The following ADAM2 variants were observed in gnomAD, a reference collection of about 807,000 sequenced individuals.
ADAM2 encodes the protein ADAM metallopeptidase domain 2.
Under a neutral mutation model 99.3 loss-of-function variants are expected in ADAM2, and 101 were observed. That is an observed-to-expected ratio of 1.02 (90% CI 0.87 to 1.20). ADAM2 has a LOEUF of 1.20. Ranked by LOEUF, ADAM2 falls within the 50% of genes most tolerant of loss-of-function variation. The pLI, the probability that ADAM2 is intolerant of heterozygous loss-of-function variation, is 0.00. For synonymous variants in ADAM2, 323 were observed against 287.6 expected (o/e 1.12, Z -1.25); for missense variants, 948 against 878.7 (o/e 1.08, Z -1.00).
chr8:39,806,090 G>T (rs1205857928), intron 7 of ADAM2, among the ~76,000 whole-genome samples: 4 of 152,138 alleles, frequency 2.6e-5, no homozygotes, highest in African/African-American at 4.8e-5. Context: ...TTGCCTGAGT[G>T]AAAACTGCCT....
intron 20 of ADAM2, among the ~76,000 whole-genome samples, chr8:39,744,622 C>A (rs1823372178): frequency 6.6e-6 from 1 of 151,928 alleles, no homozygotes; most frequent in East Asian, 1.9e-4. Context: ...CATCACACAC[C>A]AGAACCTGTC....
rs568189524 is a variant in ADAM2, at chr8:39,758,320, A to G, written c.1614-2409T>C. The stretch of plus-strand genomic sequence containing the variant: ...CAATTATAAAGCAATATATACATAT[A>G]GTTACAAAACTGTATGTGTTTATAA... On this transcript the variant is annotated intron_variant, in intron 15 of 20. Coordinates refer to ENST00000265708, the MANE Select transcript of ADAM2 (RefSeq NM_001464.5). 5.9e-5 allele frequency among the ~76,000 whole-genome samples: 9 copies of G among 152,248 alleles called. No homozygotes were observed. In the South Asian group the frequency reaches 1.7e-3, roughly 28 times the overall value.
chr8:39,816,146 A>C (rs991535062), intron 6 of ADAM2, among the ~76,000 whole-genome samples: 1 of 152,060 alleles, frequency 6.6e-6, no homozygotes, highest in Non-Finnish European at 1.5e-5. Context: ...AAATGCAAAA[A>C]ATTAGCCGAG....
At chr8:39,828,910 T>C (rs1805515717) in intron 3 of ADAM2, among the ~76,000 whole-genome samples, 1 of 151,878 alleles carries the variant, frequency 6.6e-6, no homozygotes, top group Non-Finnish European at 1.5e-5. Flanking sequence ...CTTTAGGCTA[T>C]CAAGATTTAT....
chr8:39,771,806 C>T (rs373173893), intron 11 of ADAM2, among the ~76,000 whole-genome samples: 5 of 151,820 alleles, frequency 3.3e-5, no homozygotes, highest in African/African-American at 9.7e-5. Context: ...ATACAAGGAA[C>T]CATATAGAAA....
In ADAM2 at chr8:39,784,058, G is replaced by A. The variant is rs1803350064; in HGVS notation, c.891+2916C>T. Reference sequence around the variant, plus strand: ...TTCACATATAAACTTTTAGGAAGGAGCAGCATTGGAAGGATACAGACTCTA... The same window carrying A: ...TTCACATATAAACTTTTAGGAAGGAACAGCATTGGAAGGATACAGACTCTA... On this transcript the variant is annotated intron_variant, in intron 10 of 20. Transcript: ENST00000265708. Among the ~76,000 whole-genome samples the A allele has an allele frequency of 2.6e-5, 4 of 152,182 alleles. No individual in the cohort carries two copies. In the South Asian group the frequency reaches 8.3e-4, roughly 32 times the overall value.
intron 10 of ADAM2, among the ~76,000 whole-genome samples, chr8:39,786,613 T>A (rs1459879341): frequency 6.6e-6 from 1 of 152,174 alleles, no homozygotes; most frequent in African/African-American, 2.4e-5. Context: ...TTTATTTTAA[T>A]CTGGTTAATA....
intron 7 of ADAM2, among the ~76,000 whole-genome samples, chr8:39,799,170 C>G (rs1184059996): frequency 6.6e-6 from 1 of 152,200 alleles, no homozygotes; most frequent in East Asian, 1.9e-4. Context: ...CCAACATGGG[C>G]ATTTCGTGCT....
chr8:39,749,589 G>GCA, intron 17 of ADAM2, 78 bp downstream of exon 17: 4 of 1,355,130 alleles, frequency 3.0e-6, no homozygotes, highest in Non-Finnish European at 4.2e-6. Context: ...GTGTGTGCGT[G>GCA]TGTGTGTGTG....
chr8:39,787,177 C>A, intron 9 of ADAM2, 122 bp from the exon 10 acceptor site: 1 of 485,712 alleles, frequency 2.1e-6, no homozygotes, highest in Non-Finnish European at 3.6e-6. Context: ...TGTAACATAG[C>A]ATAAGATGTG....
rs969447143 is a variant in ADAM2 at position 39,758,575 on chromosome 8, T to TA, written c.1613+2600dup. Reference sequence around the variant, plus strand: ...AAAGTCAGTAAAAATAAAAAAAATTTAAAAAAAAAAGAAATAGTAGACATG... The same window carrying TA: ...AAAGTCAGTAAAAATAAAAAAAATTTAAAAAAAAAAAGAAATAGTAGACATG... On this transcript the variant is annotated intron_variant, in intron 15 of 20. Transcript: ENST00000265708. Among the ~76,000 whole-genome samples, 229 of 149,432 alleles carry TA rather than the reference T, an allele frequency of 1.5e-3. 1 individual carries two copies. Among genetic ancestry groups the TA allele is most frequent in the African/African-American group, 4.4e-3 (180 of 40,888 alleles).
intron 18 of ADAM2, among the ~76,000 whole-genome samples, chr8:39,748,413 C>A (rs1490888505): frequency 1.3e-5 from 2 of 152,102 alleles, no homozygotes; most frequent in African/African-American, 2.4e-5. Context: ...ATGGAAATAG[C>A]TTGAAAATAC....
At chr8:39,793,671 C>A (rs1254574403) in intron 7 of ADAM2, among the ~76,000 whole-genome samples, 3 of 152,084 alleles carry the variant, frequency 2.0e-5, no homozygotes, top group Admixed American at 6.6e-5. Context: ...TTTCCAGACT[C>A]CTTGGTATGG....
intron 7 of ADAM2, among the ~76,000 whole-genome samples, chr8:39,801,034 C>G (rs1028681861): frequency 2.6e-5 from 4 of 152,202 alleles, no homozygotes; most frequent in African/African-American, 4.8e-5. Context: ...ATATGATCCT[C>G]TGTGCCAGTT....
intron 18 of ADAM2, among the ~76,000 whole-genome samples, chr8:39,748,017 C>A (rs2129582648): frequency 6.6e-6 from 1 of 152,192 alleles, no homozygotes; most frequent in African/African-American, 2.4e-5. Flanking sequence ...TAAGAAATTA[C>A]CTCAAGGCTT....
rs917025774 is a variant in ADAM2 at position 39,821,755 on chromosome 8, T to C, written c.268-93A>G. The C allele has an allele frequency of 1.3e-5, 11 of 852,284 alleles. No individual in the cohort carries two copies. In the African/African-American group the frequency reaches 1.3e-4, roughly 10 times the overall value. The allele number at this position is 852,284 out of a possible 1,614,324, so 52.8% of individuals were successfully genotyped here. On this transcript the variant is annotated intron_variant, in intron 4 of 20. Transcript: ENST00000265708. ...AAAACATATATGTGTTTTGTTTTTA[T>C]GCATCAAACACTCATGTTTCAAAAA...
intron 11 of ADAM2, 100 bp from the exon 12 acceptor site, chr8:39,769,675 T>C (rs1802703401): frequency 2.8e-6 from 2 of 717,070 alleles, no homozygotes; most frequent in African/African-American, 3.6e-5. Flanking sequence ...CAGACCAAAT[T>C]CCCAAGTCTG....
chr8:39,812,828 C>G (rs1804761776), intron 6 of ADAM2, among the ~76,000 whole-genome samples: 2 of 151,492 alleles, frequency 1.3e-5, no homozygotes, highest in Non-Finnish European at 2.9e-5. Context: ...AGAAGAAAAC[C>G]TAGGCAATAC....
intron 10 of ADAM2, among the ~76,000 whole-genome samples, chr8:39,778,102 G>T (rs1244072022): frequency 6.7e-6 from 1 of 149,514 alleles, no homozygotes; most frequent in Non-Finnish European, 1.5e-5. Flanking sequence ...CTTTTTGTAA[G>T]AGTAAGATGC....
Sources: allele counts gnomAD v4.1 joint callset (sites outside exome capture counted in the v4.1 genomes callset), GRCh38; gene constraint gnomAD v4.1.1; transcripts MANE v1.5; gene names NCBI Gene and HGNC (gene_info 2026-07-23, HGNC 2026-07-21).